ELMO1: variants seen among roughly 807,000 people sequenced by gnomAD.
ELMO1 encodes the protein engulfment and cell motility protein 1.
Under a neutral mutation model 98.9 loss-of-function variants are expected in ELMO1, and 26 were observed. That is an observed-to-expected ratio of 0.26 (90% CI 0.19 to 0.36). The LOEUF (loss-of-function observed/expected upper bound fraction) is 0.36, where lower values mean the gene tolerates loss of function less well. Among genes scored for constraint, ELMO1 ranks in the 10% least tolerant of loss-of-function variants. ELMO1 has a pLI of 1.00. For synonymous variants in ELMO1, 346 were observed against 346.0 expected, an observed-to-expected ratio of 1.00 and a Z score of 0.00; for missense variants, 627 against 935.2, an observed-to-expected ratio of 0.67 and a Z score of 4.30.
At chr7:37,143,614 C>T (rs1787782878) in intron 13 of ELMO1, among the ~76,000 whole-genome samples, 1 of 151,970 alleles carries the variant, frequency 6.6e-6, no homozygotes, top group Non-Finnish European at 1.5e-5. Flanking sequence ...ACCATGCTGG[C>T]CAGGCTGATT....
intron 21 of ELMO1, among the ~76,000 whole-genome samples, chr7:36,859,993 G>A (rs961031839): frequency 3.9e-5 from 6 of 152,070 alleles, no homozygotes; most frequent in African/African-American, 1.2e-4. Context: ...AGACAATGAG[G>A]ATGAAGACTT....
chr7:37,232,351 A>G (rs2130621028), intron 8 of ELMO1, among the ~76,000 whole-genome samples: 1 of 152,374 alleles, frequency 6.6e-6, no homozygotes, highest in East Asian at 1.9e-4. Context: ...ACCATTTCGC[A>G]AATACAAAGA....
intron 21 of ELMO1, among the ~76,000 whole-genome samples, chr7:36,861,401 CA>C (rs2129033467): frequency 6.6e-6 from 1 of 151,578 alleles, no homozygotes; most frequent in African/African-American, 2.4e-5. Flanking sequence ...TCTGGATTAA[CA>C]AGTATACCTT....
chr7:37,445,278 G>T (rs1036578329), intron 1 of ELMO1, among the ~76,000 whole-genome samples: 2 of 152,226 alleles, frequency 1.3e-5, no homozygotes, highest in Non-Finnish European at 2.9e-5. Context: ...GTGATGCAGA[G>T]AGGGTTTCTT....
chr7:37,196,685 G>A (rs1427691274), intron 13 of ELMO1, among the ~76,000 whole-genome samples: 1 of 152,162 alleles, frequency 6.6e-6, no homozygotes, highest in Non-Finnish European at 1.5e-5. Flanking sequence ...GTCTGAACCT[G>A]CGACTAAACA....
chr7:36,887,482 C>T, intron 18 of ELMO1, 78 bp downstream of exon 18: 1 of 1,372,762 alleles, frequency 7.3e-7, no homozygotes, highest in Non-Finnish European at 1.0e-6. Context: ...CGTAAACCAA[C>T]ACCATGCCCT....
At chr7:37,168,233 C>T (rs1328869373) in intron 13 of ELMO1, among the ~76,000 whole-genome samples, 2 of 152,158 alleles carry the variant, frequency 1.3e-5, no homozygotes, top group South Asian at 2.1e-4. Context: ...TCTAGTTATA[C>T]ATTCGTCTAA....
chr7:37,353,394 G>A (rs1398030963), intron 1 of ELMO1: 1 of 155,870 alleles, frequency 6.4e-6, no homozygotes, highest in Non-Finnish European at 1.4e-5. Flanking sequence ...CTTCAGGAGT[G>A]ATACCGCAGA....
chr7:37,097,803 T>C (rs144572422), intron 14 of ELMO1, among the ~76,000 whole-genome samples: 139 of 152,296 alleles, frequency 9.1e-4, no homozygotes, highest in Middle Eastern at 3.4e-3. Context: ...CTAGAAGTGT[T>C]TGAGACTGGT....
chr7:37,268,535 C>T (rs938101863), intron 5 of ELMO1, among the ~76,000 whole-genome samples: 4 of 152,106 alleles, frequency 2.6e-5, no homozygotes, highest in Admixed American at 6.5e-5. Context: ...CTCCTGACCT[C>T]GTGATCTACC....
chr7:37,053,717 A>G (rs1188470514), intron 15 of ELMO1, among the ~76,000 whole-genome samples: 1 of 152,156 alleles, frequency 6.6e-6, no homozygotes, highest in Non-Finnish European at 1.5e-5. Context: ...GTCATTTACC[A>G]TGGCTTAGAT....
At chr7:37,149,219 T>A (rs180739125) in intron 13 of ELMO1, among the ~76,000 whole-genome samples, 1 of 152,338 alleles carries the variant, frequency 6.6e-6, no homozygotes, top group Admixed American at 6.5e-5. Context: ...GCACAGTTAG[T>A]AACTGCAAAA....
At chr7:36,906,220 G>T (rs1315993679) in intron 16 of ELMO1, among the ~76,000 whole-genome samples, 2 of 152,214 alleles carry the variant, frequency 1.3e-5, no homozygotes, top group African/African-American at 2.4e-5. Context: ...TGCCTCAACA[G>T]ACAGACCAGG....
chr7:36,853,825 A>C lies in ELMO1; in HGVS notation c.*1726T>G, dbSNP rs957987861. ...TTCTGACATCCCTCCCAGTGCTGGG[A>C]GTTTACAATCCTGATAATGCCTCCA... is the stretch of plus-strand genomic sequence containing the variant. On this transcript the variant is annotated 3_prime_UTR_variant, in exon 22 of 22. Transcript: ENST00000310758. Among the ~76,000 whole-genome samples, 93 of 152,246 alleles carry C rather than the reference A, an allele frequency of 6.1e-4. No homozygotes were observed. Among genetic ancestry groups the C allele is most frequent in the African/African-American group, 2.2e-3 (90 of 41,532 alleles).
At chr7:37,112,211 T>C (rs190718799) in intron 14 of ELMO1, among the ~76,000 whole-genome samples, 2 of 152,326 alleles carry the variant, frequency 1.3e-5, no homozygotes, top group Admixed American at 1.3e-4. Context: ...AGATGGTTCC[T>C]GCTCAAAAAT....
chr7:37,040,066 G>A (rs1034583555), intron 15 of ELMO1, among the ~76,000 whole-genome samples: 9 of 151,946 alleles, frequency 5.9e-5, no homozygotes, highest in African/African-American at 9.7e-5. Flanking sequence ...GTATGTGTGC[G>A]GACTGAGCAC....
Position 37,441,879 on chromosome 7 carries a change from C to G in ELMO1, c.-74+6796G>C, listed in dbSNP as rs113398150. ...TGGAGAGCTGGAGGAAAGAAATGAA[C>G]ATAAAGGGTGAGCCCTCTCATTTAT... On this transcript the variant is annotated intron_variant, in intron 1 of 21. Transcript: ENST00000310758. Among the ~76,000 whole-genome samples the G allele has an allele frequency of 2.4e-3, 369 of 152,274 alleles. 1 individual carries two copies. Among genetic ancestry groups the G allele is most frequent in the African/African-American group, 8.4e-3 (351 of 41,568 alleles).
intron 16 of ELMO1, among the ~76,000 whole-genome samples, chr7:36,945,079 T>C (rs955528057): frequency 2.0e-5 from 3 of 152,236 alleles, no homozygotes; most frequent in Non-Finnish European, 4.4e-5. Context: ...ACAAGTTTGC[T>C]CTGGGTGTGG....
chr7:37,239,788 G>A (rs1252064065), intron 7 of ELMO1, among the ~76,000 whole-genome samples: 1 of 152,186 alleles, frequency 6.6e-6, no homozygotes, highest in African/African-American at 2.4e-5. Flanking sequence ...CCCATAATGG[G>A]TAGAAATGAC....
Sources: gnomAD v4.1 joint callset for allele counts (sites outside exome capture counted in the v4.1 genomes callset) on GRCh38, gnomAD v4.1.1 for gene constraint, MANE v1.5 for transcripts, NCBI Gene and HGNC (gene_info 2026-07-23, HGNC 2026-07-21) for gene names.